IARS2: variants seen among roughly 807,000 people sequenced by gnomAD.
The protein encoded by IARS2 is isoleucyl-tRNA synthetase 2, mitochondrial.
IARS2 carries 56 observed loss-of-function variants against 126.3 expected under a neutral mutation model. That is an observed-to-expected ratio of 0.44 (90% CI 0.36 to 0.55). The LOEUF is 0.55. IARS2 is among the 20% of genes least tolerant of loss of function. IARS2 has a pLI of 0.00. For synonymous variants in IARS2, 407 were observed against 441.1 expected, an observed-to-expected ratio of 0.92 and a Z score of 0.97; for missense variants, 1,127 against 1,245.9, an observed-to-expected ratio of 0.90 and a Z score of 1.44.
intron 9 of IARS2, 45 bp downstream of exon 9, chr1:220,106,105 A>T (rs748782950): frequency 1.6e-5 from 24 of 1,475,506 alleles, no homozygotes; most frequent in Admixed American, 2.1e-5. Context: ...TCTTAATAAA[A>T]GGAAATGATA....
chr1:220,143,003 G>A lies in IARS2; in HGVS notation c.2620G>A (p.Gly874Arg), dbSNP rs151241066. The A allele has an allele frequency of 2.2e-5, 35 of 1,614,090 alleles. No individual in the cohort carries two copies. The highest frequency in any genetic ancestry group is 9.3e-5 in the African/African-American group (7 of 75,034). Residue 874 changes from glycine to arginine, a missense_variant, in exon 21 of 23, where the codon GGG becomes AGG. By Grantham distance (125) the Gly-to-Arg change is moderately radical. Coordinates refer to ENST00000366922, the MANE Select transcript of IARS2 (RefSeq NM_018060.4). Reference sequence around the variant, plus strand: ...TACTAGTTCTATCTGGAAAAAGCCCGGGTTGGAAGAAGCTGTGGAGAGTGC... The same window carrying A: ...TACTAGTTCTATCTGGAAAAAGCCCAGGTTGGAAGAAGCTGTGGAGAGTGC... Reference protein sequence around the residue: ...ISTSSIWKKPGLEEAVESACA... With the variant: ...ISTSSIWKKPRLEEAVESACA...
chr1:220,116,529 TGAG>T (rs1340303974), intron 12 of IARS2, among the ~76,000 whole-genome samples: 3 of 152,044 alleles, frequency 2.0e-5, no homozygotes, highest in Non-Finnish European at 2.9e-5. Context: ...TAAGTAGACT[TGAG>T]GAGTAAGAGT....
chr1:220,132,625 A>C (rs1402364541), intron 14 of IARS2, among the ~76,000 whole-genome samples: 4 of 149,856 alleles, frequency 2.7e-5, no homozygotes, highest in Non-Finnish European at 5.9e-5. Context: ...TCCCAGGTTC[A>C]AGCAGTTCTC....
chr1:220,102,115 C>A lies in IARS2; in HGVS notation c.551-14C>A, dbSNP rs1249972725. On this transcript the variant is annotated splice_polypyrimidine_tract_variant and intron_variant, in intron 3 of 22. Coordinates refer to ENST00000366922, the MANE Select transcript of IARS2 (RefSeq NM_018060.4). ...CATTGGTTTTTTAAAATCTTTTTTTCGTCTTTTTTTTAGCTAGATCATTTG... is the reference window on the plus strand; with the variant it reads ...CATTGGTTTTTTAAAATCTTTTTTTAGTCTTTTTTTTAGCTAGATCATTTG... 7 of 1,587,826 alleles carry A rather than the reference C, an allele frequency of 4.4e-6. No individual in the cohort carries two copies. Among genetic ancestry groups the A allele is most frequent in the Non-Finnish European group, 6.0e-6 (7 of 1,172,102 alleles).
At chr1:220,143,894 A>T (rs1259022784) in intron 21 of IARS2, 3 of 760,586 alleles carry the variant, frequency 3.9e-6, no homozygotes, top group Non-Finnish European at 6.6e-6. Context: ...TAAGAAGAGA[A>T]TTGGCAATGA....
chr1:220,123,757 G>A (rs887029454), intron 12 of IARS2, among the ~76,000 whole-genome samples: 3 of 152,196 alleles, frequency 2.0e-5, no homozygotes, highest in Admixed American at 1.3e-4. Context: ...GATTACAGGC[G>A]TGAGCCACTG....
Position 220,111,598 on chromosome 1 carries a change from A to ATGTG in IARS2, c.1479+685_1479+688dup, listed in dbSNP as rs34903707. On this transcript the variant is annotated intron_variant, in intron 11 of 22. Coordinates refer to ENST00000366922, the MANE Select transcript of IARS2 (RefSeq NM_018060.4). Reference sequence around the variant, plus strand: ...TGGGTATATATATATATATATATATATGTGTGTGTGTGTGTGTGTGTGTGT... The same window carrying ATGTG: ...TGGGTATATATATATATATATATATATGTGTGTGTGTGTGTGTGTGTGTGTGTGT... 6.1e-3 allele frequency among the ~76,000 whole-genome samples: 823 copies of ATGTG among 134,846 alleles called. 7 individuals carry two copies. The highest frequency in any genetic ancestry group is 0.016 in the African/African-American group (590 of 36,446). The allele number at this position is 134,846 out of a possible 152,430, so 88.5% of individuals were successfully genotyped here.
intron 8 of IARS2, among the ~76,000 whole-genome samples, 176 bp from the exon 9 acceptor site, chr1:220,105,715 T>C (rs1238224344): frequency 2.0e-5 from 3 of 152,238 alleles, no homozygotes; most frequent in Non-Finnish European, 4.4e-5. Context: ...ACCATAATTA[T>C]CTGCATTTTA....
chr1:220,147,494 T>C lies in IARS2; in HGVS notation c.2898T>C (p.Gly966=). The change falls in exon 23 of 23, where the codon GGT becomes GGC. Residue 966 remains glycine (G), a splice_region_variant and synonymous_variant. Coordinates refer to ENST00000366922, the MANE Select transcript of IARS2 (RefSeq NM_018060.4). ...LKGKFLINLE[G]GDIREESSYK... Reference sequence around the variant, plus strand: ...TACTCTTCATGTATTTTTTTATAGGTGGTGATATTCGTGAAGAGTCTTCCT... The same window carrying C: ...TACTCTTCATGTATTTTTTTATAGGCGGTGATATTCGTGAAGAGTCTTCCT... 6.2e-7 allele frequency: 1 copy of C among 1,613,886 alleles called. No individual in the cohort carries two copies. The highest frequency in any genetic ancestry group is 8.5e-7 in the Non-Finnish European group (1 of 1,179,790).
chr1:220,145,604 G>T lies in IARS2; in HGVS notation c.2847G>T (p.Met949Ile). The T allele has an allele frequency of 6.2e-7, 1 of 1,613,736 alleles. No individual in the cohort carries two copies. Among genetic ancestry groups the T allele is most frequent in the South Asian group, 1.1e-5 (1 of 91,022 alleles). The change falls in exon 22 of 23, where the codon ATG becomes ATT. Residue 949 changes from methionine (M) to isoleucine (I), a missense_variant. Met to Ile is a conservative substitution (Grantham distance 10, BLOSUM62 1). Coordinates refer to ENST00000366922, the MANE Select transcript of IARS2 (RefSeq NM_018060.4). ...STLLAQEPRE[M>I]TADVIELKGK... ...TACTGGCTCAGGAACCACGAGAGAT[G>T]ACTGCAGATGTAATCGAGCTTAAAG... is the stretch of plus-strand genomic sequence containing the variant.
chr1:220,098,464 A>G (rs1656499008), intron 2 of IARS2, among the ~76,000 whole-genome samples: 1 of 151,968 alleles, frequency 6.6e-6, no homozygotes, highest in Non-Finnish European at 1.5e-5. Context: ...CAGCCCCTAA[A>G]TGTCATTTTC....
At chr1:220,111,598 A>ATATATGTGTGTGTGTG (rs374024744) in intron 11 of IARS2, among the ~76,000 whole-genome samples, 12 of 134,836 alleles carry the variant, frequency 8.9e-5, no homozygotes, top group African/African-American at 1.9e-4. Context: ...ATATATATAT[A>ATATATGTGTGTGTGTG]TGTGTGTGTG....
rs562400201 is a variant in IARS2 at position 220,140,436 on chromosome 1, G to A, written c.2414+147G>A. 1.2e-4 allele frequency: 68 copies of A among 577,794 alleles called. 2 individuals carry two copies. The highest frequency in any genetic ancestry group is 8.1e-4 in the South Asian group (38 of 47,158). 35.8% of individuals were successfully genotyped at this position (577,794 alleles called of 1,614,324 possible). A position where few individuals can be genotyped will look rare whatever the true frequency, so the allele number is the denominator to read the frequency against. The stretch of plus-strand genomic sequence containing the variant: ...GTATGGCAAAATACAAAAATTAGCC[G>A]GGCATGGTGGCACATGCCTGTAATC... On this transcript the variant is annotated intron_variant, in intron 19 of 22. Transcript: ENST00000366922.
intron 21 of IARS2, among the ~76,000 whole-genome samples, chr1:220,145,175 T>C (rs1396172520): frequency 6.6e-6 from 1 of 151,966 alleles, no homozygotes; most frequent in Non-Finnish European, 1.5e-5. Flanking sequence ...CAAGTTAACC[T>C]CTCTTTGCTT....
chr1:220,140,129 AC>A, intron 18 of IARS2, 53 bp from the exon 19 acceptor site: 1 of 1,015,970 alleles, frequency 9.8e-7, no homozygotes, highest in Non-Finnish European at 1.6e-6. Context: ...GTGATGACTT[AC>A]ATTTTCATTT....
intron 13 of IARS2, among the ~76,000 whole-genome samples, chr1:220,125,555 G>A (rs1362028290): frequency 2.6e-5 from 4 of 152,192 alleles, no homozygotes; most frequent in African/African-American, 9.7e-5. Context: ...TGTAATCCTA[G>A]CACTTTGAAA....
At chr1:220,103,657 A>G in intron 8 of IARS2, 95 bp downstream of exon 8, 2 of 723,174 alleles carry the variant, frequency 2.8e-6, no homozygotes, top group East Asian at 2.6e-5. Context: ...GAATTGAAAC[A>G]GATATGGCCT....
intron 2 of IARS2, among the ~76,000 whole-genome samples, chr1:220,097,098 T>TTATA (rs1279562860): frequency 1.3e-5 from 2 of 152,126 alleles, no homozygotes; most frequent in African/African-American, 4.8e-5. Context: ...AAAACTCTAT[T>TTATA]ATTTCAAACC....
chr1:220,131,061 A>G (rs1203846970), intron 14 of IARS2, among the ~76,000 whole-genome samples: 1 of 152,098 alleles, frequency 6.6e-6, no homozygotes, highest in Non-Finnish European at 1.5e-5. Context: ...TGCTTTGACT[A>G]TTTGGGAGGC....
Sources: gnomAD v4.1 joint callset for allele counts (sites outside exome capture counted in the v4.1 genomes callset) on GRCh38, gnomAD v4.1.1 for gene constraint, MANE v1.5 for transcripts, NCBI Gene and HGNC (gene_info 2026-07-23, HGNC 2026-07-21) for gene names.